PCDHA12: variants seen among roughly 807,000 people sequenced by gnomAD.
The protein encoded by PCDHA12 is protocadherin alpha-12.
A neutral mutation model predicts 60.0 loss-of-function variants in PCDHA12; 44 were observed. The observed-to-expected ratio is 0.73, with a 90% CI of 0.58 to 0.94. The LOEUF (loss-of-function observed/expected upper bound fraction) is 0.94. PCDHA12 is among the 40% of genes least tolerant of loss of function. The pLI is 0.00. For synonymous variants in PCDHA12, 569 were observed against 553.0 expected (o/e 1.03, Z -0.40); for missense variants, 1,276 against 1,239.7 (o/e 1.03, Z -0.44).
chr5:140,969,399 AT>A, intron 1 of PCDHA12: 1 of 1,580,514 alleles, frequency 6.3e-7, no homozygotes, highest in Non-Finnish European at 8.6e-7. Context: ...ATATCCTGTG[AT>A]TTGGCTTTAT....
intron 1 of PCDHA12, among the ~76,000 whole-genome samples, chr5:140,897,305 G>T (rs952231570): frequency 6.6e-6 from 1 of 150,594 alleles, no homozygotes; most frequent in Non-Finnish European, 1.5e-5. Context: ...TTAGCATTAG[G>T]TATATCTCCT....
Position 140,877,096 on chromosome 5 carries a change from G to C in PCDHA12, c.1624G>C (p.Val542Leu), listed in dbSNP as rs1554169320. 6.2e-7 allele frequency: 1 copy of C among 1,613,378 alleles called. No homozygotes were observed. Among genetic ancestry groups the C allele is most frequent in the Non-Finnish European group, 8.5e-7 (1 of 1,179,838 alleles). ...CCAGGTGAGCGCGCGCGACGCCGGC[G>C]TGCCGCCTCTGGGCAGCAACGTGAC... ...QFQVSARDAGVPPLGSNVTLQ... is the reference protein window; with the variant it reads ...QFQVSARDAGLPPLGSNVTLQ... Residue 542 changes from valine to leucine, a missense_variant, in exon 1 of 4, where the codon GTG becomes CTG. By Grantham distance (32) the Val-to-Leu change is conservative (BLOSUM62 1). Transcript: ENST00000398631.
At chr5:141,005,909 T>C (rs1368661717) in intron 3 of PCDHA12, among the ~76,000 whole-genome samples, 1 of 151,946 alleles carries the variant, frequency 6.6e-6, no homozygotes, top group African/African-American at 2.4e-5. Context: ...ATTGCACCAC[T>C]GCACTTCAGC....
intron 1 of PCDHA12, among the ~76,000 whole-genome samples, chr5:140,972,660 A>ATTT (rs11350929): frequency 1.0e-4 from 12 of 117,258 alleles, no homozygotes; most frequent in Non-Finnish European, 1.7e-4. Flanking sequence ...AAGAAACCAA[A>ATTT]TTTTTTTTTT....
At chr5:140,967,939 C>T in intron 1 of PCDHA12, 1 of 1,614,188 alleles carries the variant, frequency 6.2e-7, no homozygotes, top group Non-Finnish European at 8.5e-7. Context: ...GTGTCAATGA[C>T]CAAGACTCAG....
At chr5:140,926,178 G>GC (rs1221259064) in intron 1 of PCDHA12, among the ~76,000 whole-genome samples, 2 of 151,700 alleles carry the variant, frequency 1.3e-5, no homozygotes, top group Non-Finnish European at 2.9e-5. Flanking sequence ...AGCGCGGAAA[G>GC]CCCCCCGCAG....
chr5:141,001,387 C>T (rs1282982040), intron 3 of PCDHA12, among the ~76,000 whole-genome samples: 3 of 152,188 alleles, frequency 2.0e-5, no homozygotes, highest in African/African-American at 7.2e-5. Context: ...GCCTAAGATC[C>T]TACAGAGAAC....
In PCDHA12 at chr5:140,927,497, T is replaced by G. The variant is rs199998669; in HGVS notation, c.2367+49658T>G. ...GAACAGCGCGCCACCCACCTGCTGGTGCTTACAGCTCGGGACGGCGGGCTA... is the reference window on the plus strand; with the variant it reads ...GAACAGCGCGCCACCCACCTGCTGGGGCTTACAGCTCGGGACGGCGGGCTA... On this transcript the variant is annotated intron_variant, in intron 1 of 3. Coordinates refer to ENST00000398631, the MANE Select transcript of PCDHA12 (RefSeq NM_018903.4). The G allele has an allele frequency of 2.0e-4, 325 of 1,614,094 alleles. No homozygotes were observed. The highest frequency in any genetic ancestry group is 2.6e-4 in the Non-Finnish European group (305 of 1,180,030).
rs199848124 is a variant in PCDHA12 at position 140,875,823 on chromosome 5, C to T, written c.351C>T (p.Phe117=). 3,681 of 1,614,172 alleles carry T rather than the reference C, an allele frequency of 2.3e-3. 15 individuals carry two copies. Among genetic ancestry groups the T allele is most frequent in the Middle Eastern group, 9.6e-3 (58 of 6,062 alleles). ...EVIVDRPLQV[F]HVDVEVKDIN... The stretch of plus-strand genomic sequence containing the variant: ...TCGTGGACAGGCCGCTGCAGGTTTT[C>T]CATGTGGACGTGGAGGTGAAGGACA... The change falls in exon 1 of 4, where the codon TTC becomes TTT. Residue 117 remains phenylalanine, a synonymous_variant. Transcript: ENST00000398631.
chr5:140,929,033 G>A (rs2085746479), intron 1 of PCDHA12: 1 of 1,614,186 alleles, frequency 6.2e-7, no homozygotes, highest in Non-Finnish European at 8.5e-7. Flanking sequence ...CCAGGCTGTT[G>A]CGCTCAGAGC....
At chr5:140,910,780 C>T (rs2075160544) in intron 1 of PCDHA12, among the ~76,000 whole-genome samples, 1 of 152,192 alleles carries the variant, frequency 6.6e-6, no homozygotes, top group South Asian at 2.1e-4. Flanking sequence ...CAAGCTGCAA[C>T]ATTAAATGCA....
chr5:140,986,371 G>A (rs1453761888), intron 3 of PCDHA12, among the ~76,000 whole-genome samples: 1 of 152,116 alleles, frequency 6.6e-6, no homozygotes, highest in African/African-American at 2.4e-5. Context: ...AATGCGTTTT[G>A]GGGGGAGGGA....
At chr5:140,955,470 G>C (rs1459601597) in intron 1 of PCDHA12, among the ~76,000 whole-genome samples, 2 of 151,850 alleles carry the variant, frequency 1.3e-5, no homozygotes, top group African/African-American at 4.8e-5. Context: ...CTTTTTGCTT[G>C]GCACCTCTCC....
chr5:140,926,967 A>G (rs782296182), intron 1 of PCDHA12: 4 of 1,606,666 alleles, frequency 2.5e-6, no homozygotes, highest in Middle Eastern at 1.7e-4. Context: ...TCGAGTACTC[A>G]GTGCCGGAGG....
Position 140,877,563 on chromosome 5 carries a change from C to G in PCDHA12, c.2091C>G (p.Asn697Lys), listed in dbSNP as rs2057203422. ...VDPEAALVDINVYLIIAICAV... is the reference protein window; with the variant it reads ...VDPEAALVDIKVYLIIAICAV... Reference sequence around the variant, plus strand: ...CCGAAGCGGCTCTGGTGGATATTAACGTGTACCTCATCATCGCCATCTGTG... The same window carrying G: ...CCGAAGCGGCTCTGGTGGATATTAAGGTGTACCTCATCATCGCCATCTGTG... Residue 697 changes from asparagine to lysine, a missense_variant, in exon 1 of 4, where the codon AAC (asparagine) becomes AAG (lysine). Coordinates refer to ENST00000398631, the MANE Select transcript of PCDHA12 (RefSeq NM_018903.4). The G allele has an allele frequency of 1.2e-6, 2 of 1,613,774 alleles. No individual in the cohort carries two copies. The highest frequency in any genetic ancestry group is 1.3e-5 in the African/African-American group (1 of 75,058).
At chr5:140,942,663 A>G (rs2153659608) in intron 1 of PCDHA12, among the ~76,000 whole-genome samples, 1 of 152,294 alleles carries the variant, frequency 6.6e-6, no homozygotes, top group African/African-American at 2.4e-5. Context: ...AAAAGCAATA[A>G]GCACAAAAGT....
chr5:140,968,855 A>G (rs2096275634), intron 1 of PCDHA12: 2 of 1,614,198 alleles, frequency 1.2e-6, no homozygotes, highest in Non-Finnish European at 1.7e-6. Flanking sequence ...GCATGTTAAG[A>G]GCCCTCGGAC....
chr5:140,876,168 C>A lies in PCDHA12; in HGVS notation c.696C>A (p.Val232=). ...GGTCTGTCCAGATTCAAATAACCGT[C>A]CTGGATGTGAATGACAATGGTCCGG... The part of the protein sequence containing the change: ...LTGSVQIQIT[V]LDVNDNGPAF... The change falls in exon 1 of 4, where the codon GTC becomes GTA. Residue 232 remains valine, a synonymous_variant. Transcript: ENST00000398631. 3.1e-6 allele frequency: 5 copies of A among 1,613,918 alleles called. No individual in the cohort carries two copies. The highest frequency in any genetic ancestry group is 4.2e-6 in the Non-Finnish European group (5 of 1,179,900).
intron 1 of PCDHA12, chr5:140,928,471 G>A: frequency 6.2e-7 from 1 of 1,614,148 alleles, no homozygotes; most frequent in South Asian, 1.1e-5. Context: ...CCAAGTAGAA[G>A]GCCGGGATGG....
Sources: allele counts gnomAD v4.1 joint callset (sites outside exome capture counted in the v4.1 genomes callset), GRCh38; gene constraint gnomAD v4.1.1; transcripts MANE v1.5; gene names NCBI Gene and HGNC (gene_info 2026-07-23, HGNC 2026-07-21).